Variants in ODC1 observed in about 807,000 individuals in gnomAD.
The protein encoded by ODC1 is ornithine decarboxylase.
Under a neutral mutation model 41.5 loss-of-function variants are expected in ODC1, and 18 were observed. That is an observed-to-expected ratio of 0.43 (90% confidence interval 0.30 to 0.64). The LOEUF (loss-of-function observed/expected upper bound fraction) is 0.64. Among genes scored for constraint, ODC1 ranks in the 30% least tolerant of loss-of-function variants. The probability of loss-of-function intolerance (pLI) is 0.11; values close to 1 mark genes in which losing one functional copy is unlikely to be tolerated. For missense variants in ODC1, 504 were observed against 589.0 expected, an observed-to-expected ratio of 0.86 and a Z score of 1.49; for synonymous variants, 218 against 211.6, an observed-to-expected ratio of 1.03 and a Z score of -0.26.
chr2:10,440,646 G>A lies in ODC1; in HGVS notation c.*78C>T. 2 of 1,448,956 alleles carry A rather than the reference G, an allele frequency of 1.4e-6. No homozygotes were observed. Among genetic ancestry groups the A allele is most frequent in the East Asian group, 2.3e-5 (1 of 43,206 alleles). 89.8% of individuals were successfully genotyped at this position (1,448,956 alleles called of 1,614,324 possible). A position where few individuals can be genotyped will look rare whatever the true frequency, so the allele number is the denominator to read the frequency against. ...CTCTTACAAAGACATTTCAAAACTA[G>A]CAGTAATTAAGTTACATGGTCCCCC... On this transcript the variant is annotated 3_prime_UTR_variant, in exon 12 of 12. Coordinates refer to ENST00000234111, the MANE Select transcript of ODC1 (RefSeq NM_002539.3).
intron 9 of ODC1, 33 bp downstream of exon 9, chr2:10,441,979 T>G: frequency 6.2e-7 from 1 of 1,613,230 alleles, no homozygotes; most frequent in Non-Finnish European, 8.5e-7. Flanking sequence ...CAGCTTTCAG[T>G]TATACATGAA....
At position 10,444,922 on chromosome 2, in the gene ODC1, T is replaced by C; in HGVS notation, c.102+9A>G. Reference sequence around the variant, plus strand: ...AGCTGCACTGCCAGCATGGGCCTCATATACTTACAGAAGAAGAAACTTCAT... The same window carrying C: ...AGCTGCACTGCCAGCATGGGCCTCACATACTTACAGAAGAAGAAACTTCAT... On this transcript the variant is annotated intron_variant, in intron 3 of 11. Coordinates refer to ENST00000234111, the MANE Select transcript of ODC1 (RefSeq NM_002539.3). 1 of 1,596,462 alleles carries C rather than the reference T, an allele frequency of 6.3e-7. No homozygotes were observed. The highest frequency in any genetic ancestry group is 8.6e-7 in the Non-Finnish European group (1 of 1,164,300).
chr2:10,443,362 T>C (rs1671896273), intron 7 of ODC1, 49 bp from the exon 8 acceptor site: 1 of 1,581,536 alleles, frequency 6.3e-7, no homozygotes, highest in Admixed American at 1.8e-5. Flanking sequence ...ATAACAAAAA[T>C]GTATGCAGCA....
At chr2:10,444,830 C>G in intron 3 of ODC1, 101 bp downstream of exon 3, 1 of 916,672 alleles carries the variant, frequency 1.1e-6, no homozygotes, top group East Asian at 2.5e-5. Flanking sequence ...CATTCCATAA[C>G]AAGACATGTA....
Position 10,445,024 on chromosome 2 carries a change from G to A in ODC1, c.9C>T (p.Asn3=). The part of the protein sequence containing the change: MN[N]FGNEEFDCHF... ...GGCAGTCAAACTCTTCATTACCAAA[G>A]TTGTTCATGATTTCTTGATGTTCCT... is the stretch of plus-strand genomic sequence containing the variant. Residue 3 remains asparagine (N), a synonymous_variant, in exon 3 of 12, where the codon AAC becomes AAT. Transcript: ENST00000234111. 5 of 1,609,646 alleles carry A rather than the reference G, an allele frequency of 3.1e-6. No homozygotes were observed. The highest frequency in any genetic ancestry group is 4.3e-6 in the Non-Finnish European group (5 of 1,176,016).
chr2:10,446,463 C>T (rs1672017891), intron 1 of ODC1, among the ~76,000 whole-genome samples: 1 of 152,220 alleles, frequency 6.6e-6, no homozygotes, highest in Non-Finnish European at 1.5e-5. Context: ...CTTAAACCAG[C>T]GTTGCCTACC....
rs1049500 is a variant in ODC1 at position 10,440,841 on chromosome 2, G to C, written c.1269C>G (p.Pro423=). The C allele has an allele frequency of 1.9e-6, 3 of 1,613,800 alleles. No homozygotes were observed. The South Asian group carries it at 3.3e-5, about 18-fold the overall frequency. The part of the protein sequence containing the change: ...AWQLMQQFQN[P]DFPPEVEEQD... ...GTTCCTCTACTTCGGGTGGGAAGTC[G>C]GGGTTCTGGAATTGCTGCATGAGTT... Residue 423 remains proline, a synonymous_variant, in exon 12 of 12, where the codon CCC becomes CCG. Transcript: ENST00000234111.
rs1460484531 is a variant in ODC1, at chr2:10,448,283, G to C, written c.-290C>G. On this transcript the variant is annotated 5_prime_UTR_variant, in exon 1 of 12. Coordinates refer to ENST00000234111, the MANE Select transcript of ODC1 (RefSeq NM_002539.3). ...CGAGGTGGCGCCGGAGCTGCTGGCAGAGGGGCGGCGGGCGGCGGCGGCGGC... is the reference window on the plus strand; with the variant it reads ...CGAGGTGGCGCCGGAGCTGCTGGCACAGGGGCGGCGGGCGGCGGCGGCGGC... 1.2e-5 allele frequency: 3 copies of C among 242,588 alleles called. No individual in the cohort carries two copies. The highest frequency in any genetic ancestry group is 2.4e-5 in the Non-Finnish European group (3 of 126,872). The allele number at this position is 242,588 out of a possible 1,614,324, so 15.0% of individuals were successfully genotyped here. A position where few individuals can be genotyped will look rare whatever the true frequency, so the allele number is the denominator to read the frequency against.
At position 10,444,841 on chromosome 2, in the gene ODC1, A is replaced by G. The variant is rs988227342; in HGVS notation, c.102+90T>C. The G allele has an allele frequency of 1.0e-5, 10 of 955,838 alleles. No individual in the cohort carries two copies. The African/African-American group carries it at 1.5e-4, about 14-fold the overall frequency. 59.2% of individuals were successfully genotyped at this position (955,838 alleles called of 1,614,324 possible). On this transcript the variant is annotated intron_variant, in intron 3 of 11. Transcript: ENST00000234111. ...TCTACATTCCATAACAAGACATGTA[A>G]GCCTCATTGCTCTTCCTTAGACCTT...
Position 10,440,601 on chromosome 2 carries a change from G to T in ODC1, c.*123C>A. 2.2e-6 allele frequency: 2 copies of T among 903,032 alleles called. No individual in the cohort carries two copies. The highest frequency in any genetic ancestry group is 3.4e-6 in the Non-Finnish European group (2 of 596,386). 55.9% of individuals were successfully genotyped at this position (903,032 alleles called of 1,614,324 possible). A position where few individuals can be genotyped will look rare whatever the true frequency, so the allele number is the denominator to read the frequency against. ...GACCCATATCCTAGTCTTCCATATG[G>T]CTGCATCATGGCGACCCTACTCTTA... On this transcript the variant is annotated 3_prime_UTR_variant, in exon 12 of 12. Coordinates refer to ENST00000234111, the MANE Select transcript of ODC1 (RefSeq NM_002539.3).
At position 10,443,574 on chromosome 2, in the gene ODC1, G is replaced by A. The variant is rs1247404099; in HGVS notation, c.585-3C>T. The stretch of plus-strand genomic sequence containing the variant: ...TACAGCCGCTTCCTACATGGAAGCT[G>A]GGGTAAAATAAAGAGACGAGACACT... On this transcript the variant is annotated splice_polypyrimidine_tract_variant and splice_region_variant and intron_variant, in intron 6 of 11. Transcript: ENST00000234111. 1 of 1,612,106 alleles carries A rather than the reference G, an allele frequency of 6.2e-7. No homozygotes were observed. Among genetic ancestry groups the A allele is most frequent in the Non-Finnish European group, 8.5e-7 (1 of 1,178,996 alleles).
intron 3 of ODC1, 86 bp downstream of exon 3, chr2:10,444,845 T>C (rs1258590710): frequency 4.1e-6 from 4 of 974,616 alleles, no homozygotes; most frequent in Non-Finnish European, 6.4e-6. Flanking sequence ...CATGTAAGCC[T>C]CATTGCTCTT....
intron 5 of ODC1, 51 bp downstream of exon 5, chr2:10,444,044 T>A (rs753248659): frequency 2.4e-5 from 36 of 1,514,962 alleles, no homozygotes; most frequent in Non-Finnish European, 3.2e-5. Context: ...TTGATAAGAA[T>A]CCACATATCT....
At chr2:10,441,244 G>A (rs773128382) in intron 11 of ODC1, among the ~76,000 whole-genome samples, 8 of 152,080 alleles carry the variant, frequency 5.3e-5, no homozygotes, top group Non-Finnish European at 7.4e-5. Flanking sequence ...CAGCACACCT[G>A]GCCAATTCAA....
In ODC1 at chr2:10,444,594, A is replaced by G; in HGVS notation, c.156T>C (p.His52=). ...VADLGDILKK[H]LRWLKALPRV... ...GAGGGAGAGCTTTTAACCACCTCAG[A>G]TGTTTCTTTAGAATGTCTCCCAGGT... Residue 52 remains histidine, a synonymous_variant, in exon 4 of 12, where the codon CAT becomes CAC. Coordinates refer to ENST00000234111, the MANE Select transcript of ODC1 (RefSeq NM_002539.3). The G allele has an allele frequency of 6.2e-7, 1 of 1,614,096 alleles. No individual in the cohort carries two copies. The highest frequency in any genetic ancestry group is 1.3e-5 in the African/African-American group (1 of 75,034).
chr2:10,440,637 T>C lies in ODC1; in HGVS notation c.*87A>G. ...GCGACCCTACTCTTACAAAGACATT[T>C]CAAAACTAGCAGTAATTAAGTTACA... On this transcript the variant is annotated 3_prime_UTR_variant, in exon 12 of 12. Coordinates refer to ENST00000234111, the MANE Select transcript of ODC1 (RefSeq NM_002539.3). 7.1e-7 allele frequency: 1 copy of C among 1,418,316 alleles called. No individual in the cohort carries two copies. Among genetic ancestry groups the C allele is most frequent in the Middle Eastern group, 2.1e-4 (1 of 4,676 alleles). The allele number at this position is 1,418,316 out of a possible 1,614,324, so 87.9% of individuals were successfully genotyped here. A position where few individuals can be genotyped will look rare whatever the true frequency, so the allele number is the denominator to read the frequency against.
At chr2:10,444,694 C>T in intron 3 of ODC1, 47 bp from the exon 4 acceptor site, 1 of 1,537,384 alleles carries the variant, frequency 6.5e-7, no homozygotes, top group Non-Finnish European at 8.9e-7. Context: ...CCTCACCACA[C>T]ACCACACCAA....
Position 10,441,560 on chromosome 2 carries a change from A to C in ODC1, c.1190T>G (p.Phe397Cys). The change falls in exon 11 of 12, where the codon TTC (phenylalanine) becomes TGC (cysteine). Residue 397 changes from phenylalanine to cysteine, a missense_variant. Physicochemically the swap from Phe to Cys is radical, Grantham distance 205. This residue lies in a region of ODC1 where 447 missense variants were observed against 524.4 expected (regional missense o/e 0.85). Coordinates refer to ENST00000234111, the MANE Select transcript of ODC1 (RefSeq NM_002539.3). ...GATCGTCGGCCTCTGGAAGCCATTG[A>C]ACGTAGAGGCAGCAGCAACAGTGTA... is the stretch of plus-strand genomic sequence containing the variant. ...GAYTVAAAST[F>C]NGFQRPTIYY... The C allele has an allele frequency of 2.5e-6, 4 of 1,614,194 alleles. No individual in the cohort carries two copies. Among genetic ancestry groups the C allele is most frequent in the Non-Finnish European group, 3.4e-6 (4 of 1,180,030 alleles).
chr2:10,444,833 G>C, intron 3 of ODC1, 98 bp downstream of exon 3: 1 of 920,618 alleles, frequency 1.1e-6, no homozygotes, highest in Non-Finnish European at 1.7e-6. Context: ...TCCATAACAA[G>C]ACATGTAAGC....
Sources: allele counts gnomAD v4.1 joint callset (sites outside exome capture counted in the v4.1 genomes callset), GRCh38; gene constraint gnomAD v4.1.1; regional missense constraint gnomAD v4.1.1; transcripts MANE v1.5; gene names NCBI Gene and HGNC (gene_info 2026-07-23, HGNC 2026-07-21).